The following ATP9B variants were observed in gnomAD, a reference collection of about 807,000 sequenced individuals.
The protein encoded by ATP9B is probable phospholipid-transporting ATPase IIB.
Under a neutral mutation model 146.1 loss-of-function variants are expected in ATP9B, and 110 were observed. The ratio of observed to expected loss-of-function variants is 0.75; its 90% CI spans 0.65 to 0.88. The LOEUF (loss-of-function observed/expected upper bound fraction) is 0.88. Among genes scored for constraint, ATP9B ranks in the 40% least tolerant of loss-of-function variants. ATP9B has a pLI of 0.00. For missense variants in ATP9B, 1,499 were observed against 1,496.4 expected, an observed-to-expected ratio of 1.00 and a Z score of -0.03; for synonymous variants, 604 against 569.7, an observed-to-expected ratio of 1.06 and a Z score of -0.86.
intron 11 of ATP9B, among the ~76,000 whole-genome samples, chr18:79,240,685 C>T (rs985804864): frequency 6.6e-6 from 1 of 152,194 alleles, no homozygotes; most frequent in East Asian, 1.9e-4. Flanking sequence ...GTGGAGGTTG[C>T]GGTGAAGCCG....
chr18:79,369,991 C>T (rs947973087), intron 26 of ATP9B, among the ~76,000 whole-genome samples: 6 of 152,016 alleles, frequency 3.9e-5, no homozygotes, highest in African/African-American at 7.2e-5. Context: ...CCCAGCTACT[C>T]GGGAGGCTGA....
chr18:79,236,857 C>T (rs1329076149), intron 11 of ATP9B, among the ~76,000 whole-genome samples: 3 of 128,354 alleles, frequency 2.3e-5, no homozygotes, highest in East Asian at 5.0e-4. Context: ...ACTGTGTACA[C>T]GGTCCGTGCA....
intron 1 of ATP9B, chr18:79,078,112 G>C (rs2146464426): frequency 6.6e-6 from 1 of 152,520 alleles, no homozygotes; most frequent in Non-Finnish European, 1.5e-5. Flanking sequence ...TACGGCTGGG[G>C]CGTGTGGGAG....
At chr18:79,292,020 G>T (rs951807451) in intron 13 of ATP9B, among the ~76,000 whole-genome samples, 1 of 152,156 alleles carries the variant, frequency 6.6e-6, no homozygotes, top group Non-Finnish European at 1.5e-5. Context: ...TCCTTCACTG[G>T]CATATACTCT....
intron 4 of ATP9B, among the ~76,000 whole-genome samples, chr18:79,114,693 T>C (rs948483516): frequency 3.9e-5 from 6 of 152,126 alleles, no homozygotes; most frequent in Admixed American, 2.0e-4. Flanking sequence ...TTTTAACTTA[T>C]TAAATTAGTA....
rs1017670933 is a variant in ATP9B at position 79,170,137 on chromosome 18, A to G, written c.779-6676A>G. ...TCTGTTCTGGCTGACCTTGGCTGCC[A>G]AGGTAGGGAGGAGCTGCAGCCGGCC... On this transcript the variant is annotated intron_variant, in intron 7 of 29. Transcript: ENST00000426216. Among the ~76,000 whole-genome samples, 4 of 152,204 alleles carry G rather than the reference A, an allele frequency of 2.6e-5. No individual in the cohort carries two copies. The East Asian group carries it at 5.8e-4, about 22-fold the overall frequency.
intron 15 of ATP9B, among the ~76,000 whole-genome samples, chr18:79,314,827 G>T (rs572746626): frequency 6.6e-6 from 1 of 152,304 alleles, no homozygotes; most frequent in Non-Finnish European, 1.5e-5. Flanking sequence ...CAGTGCAGTC[G>T]CAGGACACCA....
At chr18:79,194,236 T>C (rs1240721883) in intron 9 of ATP9B, 13 of 152,142 alleles carry the variant, frequency 8.5e-5, no homozygotes, top group Non-Finnish European at 1.6e-4. Context: ...AGACAACATA[T>C]GAGAATAAAT....
intron 1 of ATP9B, among the ~76,000 whole-genome samples, chr18:79,088,491 A>T (rs915955411): frequency 8.5e-5 from 13 of 152,348 alleles, no homozygotes; most frequent in Non-Finnish European, 1.6e-4. Context: ...TTTTGCCTAA[A>T]TTATAATGAA....
chr18:79,322,440 T>G (rs1316296300), intron 15 of ATP9B, among the ~76,000 whole-genome samples: 1 of 152,154 alleles, frequency 6.6e-6, no homozygotes, highest in Non-Finnish European at 1.5e-5. Flanking sequence ...GGCCGCACCC[T>G]CGGGGCACGG....
At chr18:79,329,012 G>A in intron 15 of ATP9B, 129 bp from the exon 16 acceptor site, 1 of 999,826 alleles carries the variant, frequency 1.0e-6, no homozygotes, top group Non-Finnish European at 1.4e-6. Context: ...AAAACAAAAA[G>A]TTCTGAACAC....
At chr18:79,306,429 G>C (rs991377521) in intron 14 of ATP9B, among the ~76,000 whole-genome samples, 1 of 152,148 alleles carries the variant, frequency 6.6e-6, no homozygotes, top group African/African-American at 2.4e-5. Flanking sequence ...GATATGACAC[G>C]GGGCCATTTT....
At position 79,372,855 on chromosome 18, in the gene ATP9B, A is replaced by G; in HGVS notation, c.3043A>G (p.Ile1015Val). The change falls in exon 27 of 30, where the codon ATC becomes GTC. Residue 1015 changes from isoleucine to valine, a missense_variant. Physicochemically the swap from Ile to Val is conservative, Grantham distance 29. Transcript: ENST00000426216. ...GRSLSFKTFL[I>V]WVLISIYQGG... ...ATCCTTGTCCTTCAAAACCTTCCTC[A>G]TCTGGGTTTTAATAAGTATTTACCA... 1 of 1,611,796 alleles carries G rather than the reference A, an allele frequency of 6.2e-7. No individual in the cohort carries two copies. The highest frequency in any genetic ancestry group is 1.7e-4 in the Middle Eastern group (1 of 6,046).
At chr18:79,253,670 G>T in intron 12 of ATP9B, 129 bp downstream of exon 12, 1 of 956,152 alleles carries the variant, frequency 1.0e-6, no homozygotes, top group South Asian at 1.9e-5. Flanking sequence ...AAGTTCTGAG[G>T]AATCTTGAGG....
At chr18:79,079,119 C>T (rs954940404) in intron 1 of ATP9B, among the ~76,000 whole-genome samples, 3 of 152,174 alleles carry the variant, frequency 2.0e-5, no homozygotes, top group African/African-American at 7.2e-5. Context: ...CTGCAGTAAA[C>T]ATACATGTGC....
intron 15 of ATP9B, among the ~76,000 whole-genome samples, chr18:79,315,440 T>A (rs972753473): frequency 2.6e-4 from 39 of 152,238 alleles, no homozygotes; most frequent in African/African-American, 8.9e-4. Flanking sequence ...AAATTGCATC[T>A]TATGTTAATA....
At chr18:79,278,414 A>T (rs1396142338) in intron 13 of ATP9B, among the ~76,000 whole-genome samples, 2 of 152,214 alleles carry the variant, frequency 1.3e-5, no homozygotes, top group African/African-American at 4.8e-5. Flanking sequence ...CACATGGGAT[A>T]TTCTTTGTGT....
At chr18:79,069,792 C>T (rs898548884) in intron 1 of ATP9B, among the ~76,000 whole-genome samples, 1 of 152,238 alleles carries the variant, frequency 6.6e-6, no homozygotes, top group Non-Finnish European at 1.5e-5. Context: ...GAGCAGAGAA[C>T]CGCGGTCCAG....
At chr18:79,175,219 A>G (rs1317075431) in intron 7 of ATP9B, among the ~76,000 whole-genome samples, 2 of 151,842 alleles carry the variant, frequency 1.3e-5, no homozygotes, top group African/African-American at 2.4e-5. Flanking sequence ...AAAAAGAAAA[A>G]AAAAAACATC....
Sources: allele counts gnomAD v4.1 joint callset (sites outside exome capture counted in the v4.1 genomes callset), GRCh38; gene constraint gnomAD v4.1.1; transcripts MANE v1.5; gene names NCBI Gene and HGNC (gene_info 2026-07-23, HGNC 2026-07-21).